The following PCNX3 variants were observed in gnomAD, a reference collection of about 807,000 sequenced individuals.
The protein encoded by PCNX3 is pecanex 3, also known as pecanex-like protein 3.
In PCNX3, 58 loss-of-function variants were observed where a neutral mutation model predicts 207.2. That is an observed-to-expected ratio of 0.28 (90% CI 0.23 to 0.35). The LOEUF is 0.35. Among genes scored for constraint, PCNX3 ranks in the 10% least tolerant of loss-of-function variants. The pLI is 1.00. For missense variants in PCNX3, 2,410 were observed against 2,774.4 expected (o/e 0.87, Z 2.95); for synonymous variants, 1,337 against 1,183.5 (o/e 1.13, Z -2.66).
Position 65,636,412 on chromosome 11 carries a change from C to T in PCNX3, c.5615C>T (p.Pro1872Leu). Residue 1872 changes from proline (P) to leucine (L), a missense_variant, in exon 34 of 35, where the codon CCA (proline) becomes CTA (leucine). Physicochemically the swap from Pro to Leu is moderately conservative, Grantham distance 98 (BLOSUM62 -3). Transcript: ENST00000355703. ...ACAGGCAATGGTGACCAACCCCTCCCACCAGGCCCTGGCTGGGGGCCGCGG... is the reference window on the plus strand; with the variant it reads ...ACAGGCAATGGTGACCAACCCCTCCTACCAGGCCCTGGCTGGGGGCCGCGG... ...NTAGNGDQPL[P>L]PGPGWGPRSS... 6.4e-7 allele frequency: 1 copy of T among 1,556,828 alleles called. No homozygotes were observed. The highest frequency in any genetic ancestry group is 8.7e-7 in the Non-Finnish European group (1 of 1,152,022).
intron 1 of PCNX3, 124 bp from the exon 2 acceptor site, chr11:65,616,700 G>A: frequency 8.8e-7 from 1 of 1,133,444 alleles, no homozygotes; most frequent in Non-Finnish European, 1.3e-6. Context: ...CTGTGTACTG[G>A]TTGTGTGGAG....
At position 65,620,843 on chromosome 11, in the gene PCNX3, G is replaced by T; in HGVS notation, c.2112G>T (p.Ser704=). 3.8e-6 allele frequency: 6 copies of T among 1,594,772 alleles called. No individual in the cohort carries two copies. The highest frequency in any genetic ancestry group is 5.1e-6 in the Non-Finnish European group (6 of 1,171,728). ...QTANGAWDRH[S]HSSSFHSADV... The stretch of plus-strand genomic sequence containing the variant: ...GCTGTTCTCACAGGGACCGACACTC[G>T]CATTCCTCCAGCTTCCACTCGGCTG... The change falls in exon 10 of 35, where the codon TCG becomes TCT. Residue 704 remains serine (S), a synonymous_variant. Transcript: ENST00000355703.
chr11:65,617,348 C>G lies in PCNX3; in HGVS notation c.440C>G (p.Ser147Trp). 6.2e-7 allele frequency: 1 copy of G among 1,613,140 alleles called. No homozygotes were observed. Among genetic ancestry groups the G allele is most frequent in the Non-Finnish European group, 8.5e-7 (1 of 1,179,604 alleles). The change falls in exon 3 of 35, where the codon TCG becomes TGG. Residue 147 changes from serine (S) to tryptophan (W), a missense_variant and splice_region_variant. Physicochemically the swap from Ser to Trp is radical, Grantham distance 177 (BLOSUM62 -3). Coordinates refer to ENST00000355703, the MANE Select transcript of PCNX3 (RefSeq NM_032223.4). ...TCTGTGTTTGGCTTCAACCAGGTCTCGGTGAGTGGGCCTGGACCTCAGCTT... is the reference window on the plus strand; with the variant it reads ...TCTGTGTTTGGCTTCAACCAGGTCTGGGTGAGTGGGCCTGGACCTCAGCTT... Reference protein sequence around the residue: ...QHSVFGFNQVSELLPRMEDSG... With the variant: ...QHSVFGFNQVWELLPRMEDSG...
intron 11 of PCNX3, 42 bp from the exon 12 acceptor site, chr11:65,623,449 G>A: frequency 1.3e-6 from 2 of 1,542,762 alleles, no homozygotes; most frequent in East Asian, 2.3e-5. Context: ...CCACTGGAAG[G>A]TGAGGCAAGA....
intron 6 of PCNX3, 128 bp downstream of exon 6, chr11:65,619,195 G>T: frequency 4.8e-6 from 4 of 841,096 alleles, no homozygotes. Flanking sequence ...AGATGGACGT[G>T]GGCCTGGTGG....
chr11:65,626,532 A>G (rs1855400299), intron 20 of PCNX3: 1 of 416,734 alleles, frequency 2.4e-6, no homozygotes, highest in Admixed American at 3.6e-5. Flanking sequence ...CCAGACTAGC[A>G]TCCCTCTGTG....
intron 9 of PCNX3, 75 bp from the exon 10 acceptor site, chr11:65,620,756 C>G (rs973414210): frequency 6.5e-7 from 1 of 1,545,768 alleles, no homozygotes; most frequent in South Asian, 1.2e-5. Flanking sequence ...CCTGCCTGGC[C>G]TTGGCCTCGG....
chr11:65,617,874 C>A, intron 5 of PCNX3, 66 bp from the exon 6 acceptor site: 1 of 1,485,386 alleles, frequency 6.7e-7, no homozygotes, highest in Non-Finnish European at 9.0e-7. Flanking sequence ...ATAAGACCTC[C>A]CTTAACCACT....
At chr11:65,622,952 C>T (rs1054853590) in intron 11 of PCNX3, among the ~76,000 whole-genome samples, 1 of 151,550 alleles carries the variant, frequency 6.6e-6, no homozygotes, top group Non-Finnish European at 1.5e-5. Context: ...AAATCGAGTG[C>T]TGTAACCTAG....
At chr11:65,623,898 C>T in intron 12 of PCNX3, 31 bp from the exon 13 acceptor site, 1 of 1,612,588 alleles carries the variant, frequency 6.2e-7, no homozygotes, top group African/African-American at 1.3e-5. Flanking sequence ...GGCATCGGCT[C>T]TAGTTGCCAA....
rs1199334977 is a variant in PCNX3, at chr11:65,616,885, C to G, written c.215C>G (p.Ala72Gly). The change falls in exon 2 of 35, where the codon GCT (alanine) becomes GGT (glycine). Residue 72 changes from alanine (A) to glycine (G), a missense_variant. Coordinates refer to ENST00000355703, the MANE Select transcript of PCNX3 (RefSeq NM_032223.4). Reference sequence around the variant, plus strand: ...TGCCTCGTGGTGGCTGTCATCTTTGCTACTATCAAGACTGTCAATTATCGG... The same window carrying G: ...TGCCTCGTGGTGGCTGTCATCTTTGGTACTATCAAGACTGTCAATTATCGG... Reference protein sequence around the residue: ...VYCLVVAVIFATIKTVNYRLH... With the variant: ...VYCLVVAVIFGTIKTVNYRLH... 2 of 1,613,546 alleles carry G rather than the reference C, an allele frequency of 1.2e-6. No homozygotes were observed. Among genetic ancestry groups the G allele is most frequent in the Non-Finnish European group, 1.7e-6 (2 of 1,179,868 alleles).
At chr11:65,629,048 T>G in intron 24 of PCNX3, 100 bp downstream of exon 24, 5 of 1,497,476 alleles carry the variant, frequency 3.3e-6, no homozygotes, top group South Asian at 1.3e-5. Flanking sequence ...ACAGCAGGTA[T>G]GGGAGGGCTT....
chr11:65,621,098 G>A, intron 10 of PCNX3, 132 bp downstream of exon 10: 1 of 1,210,018 alleles, frequency 8.3e-7, no homozygotes, highest in South Asian at 1.6e-5. Context: ...GCGCTCCAGG[G>A]GCCCTACTGT....
chr11:65,624,299 T>G lies in PCNX3; in HGVS notation c.2649T>G (p.Pro883=). ...TGGGCTCAGCTCAGCCCTTCCCACC[T>G]GTCTCCCTCTACGGCCTCACGCTCT... ...DALGSAQPFP[P]VSLYGLTLFS... The change falls in exon 14 of 35, where the codon CCT becomes CCG. Residue 883 remains proline (P), a synonymous_variant. Coordinates refer to ENST00000355703, the MANE Select transcript of PCNX3 (RefSeq NM_032223.4). The G allele has an allele frequency of 6.3e-7, 1 of 1,583,058 alleles. No homozygotes were observed. Among genetic ancestry groups the G allele is most frequent in the Non-Finnish European group, 8.6e-7 (1 of 1,164,012 alleles).
chr11:65,629,364 C>T lies in PCNX3; in HGVS notation c.3949C>T (p.Arg1317Cys), dbSNP rs770413880. 3 of 1,610,854 alleles carry T rather than the reference C, an allele frequency of 1.9e-6. No homozygotes were observed. Among genetic ancestry groups the T allele is most frequent in the Non-Finnish European group, 2.5e-6 (3 of 1,178,434 alleles). ...TGCACTCTCTCTGAACAGCACTAAA[C>T]GTGTGGATCATTCCAACACCCGCCT... ...KFWERDYNTK[R>C]VDHSNTRLVT... Residue 1317 changes from arginine (R) to cysteine (C), a missense_variant, in exon 25 of 35, where the codon CGT (arginine) becomes TGT (cysteine). Physicochemically the swap from Arg to Cys is radical, Grantham distance 180. This residue lies in a region of PCNX3 where 420 missense variants were observed against 705.3 expected (regional missense o/e 0.60). Coordinates refer to ENST00000355703, the MANE Select transcript of PCNX3 (RefSeq NM_032223.4).
Position 65,636,899 on chromosome 11 carries a change from G to C in PCNX3, c.6026G>C (p.Gly2009Ala). 6.4e-7 allele frequency: 1 copy of C among 1,555,206 alleles called. No individual in the cohort carries two copies. The highest frequency in any genetic ancestry group is 8.7e-7 in the Non-Finnish European group (1 of 1,149,488). The change falls in exon 35 of 35, where the codon GGT becomes GCT. Residue 2009 changes from glycine to alanine, a missense_variant. Gly to Ala is a moderately conservative substitution (Grantham distance 60). Transcript: ENST00000355703. ...SSAPESGTPMGALGDWPAPIE... is the reference protein window; with the variant it reads ...SSAPESGTPMAALGDWPAPIE... Reference sequence around the variant, plus strand: ...GCCCCTGAGAGTGGCACACCTATGGGTGCCCTGGGCGACTGGCCTGCCCCT... The same window carrying C: ...GCCCCTGAGAGTGGCACACCTATGGCTGCCCTGGGCGACTGGCCTGCCCCT...
intron 20 of PCNX3, 53 bp from the exon 21 acceptor site, chr11:65,626,851 A>C (rs10896024): frequency 6.4e-7 from 1 of 1,555,576 alleles, no homozygotes; most frequent in Non-Finnish European, 8.7e-7. Flanking sequence ...GGACTTCCTC[A>C]GGGAAGGCAG....
chr11:65,617,621 G>A lies in PCNX3; in HGVS notation c.492G>A (p.Glu164=), dbSNP rs755521983. Residue 164 remains glutamate, a synonymous_variant, in exon 5 of 35, where the codon GAG becomes GAA. Coordinates refer to ENST00000355703, the MANE Select transcript of PCNX3 (RefSeq NM_032223.4). The stretch of plus-strand genomic sequence containing the variant: ...GGGCCATGGTTGCAGACATCAAGGA[G>A]CTGGTGCGGGAGCAGGGCAGCAACA... ...EDSGPLRDIK[E]LVREQGSNNV... The A allele has an allele frequency of 9.9e-6, 16 of 1,610,694 alleles. No individual in the cohort carries two copies. In the South Asian group the frequency reaches 1.4e-4, roughly 14 times the overall value.
chr11:65,622,220 C>T, intron 10 of PCNX3, 25 bp from the exon 11 acceptor site: 1 of 1,594,038 alleles, frequency 6.3e-7, no homozygotes, highest in Non-Finnish European at 8.5e-7. Context: ...ACCTGCTGGA[C>T]CAGGACTCCC....
Sources: allele counts gnomAD v4.1 joint callset (sites outside exome capture counted in the v4.1 genomes callset), GRCh38; gene constraint gnomAD v4.1.1; regional missense constraint gnomAD v4.1.1; transcripts MANE v1.5; gene names NCBI Gene and HGNC (gene_info 2026-07-23, HGNC 2026-07-21).